The following OS9 variants were observed in gnomAD, a reference collection of about 807,000 sequenced individuals.
OS9 encodes the protein protein OS-9.
A neutral mutation model predicts 84.7 loss-of-function variants in OS9; 58 were observed. That is an observed-to-expected ratio of 0.68 (90% CI 0.55 to 0.85). OS9 has a LOEUF of 0.85. Ranked by LOEUF, OS9 falls within the 40% of genes least tolerant of loss-of-function variation. The pLI, the probability that OS9 is intolerant of heterozygous loss-of-function variation, is 0.00. For missense variants in OS9, 760 were observed against 850.9 expected, an observed-to-expected ratio of 0.89 and a Z score of 1.33; for synonymous variants, 278 against 320.8, an observed-to-expected ratio of 0.87 and a Z score of 1.43.
chr12:57,709,122 G>C (rs1445458573), intron 5 of OS9, among the ~76,000 whole-genome samples: 1 of 152,116 alleles, frequency 6.6e-6, no homozygotes, highest in Non-Finnish European at 1.5e-5. Flanking sequence ...TCTTTCAGCT[G>C]TCCAAATTCT....
At position 57,695,853 on chromosome 12, in the gene OS9, T is replaced by G; in HGVS notation, c.403+10T>G. On this transcript the variant is annotated intron_variant, in intron 3 of 14. Transcript: ENST00000315970. ...CAATACCACATGGAAGGTAACTCAC[T>G]CCTATATTTTCCTTAAGCCCTTAGT... 1 of 1,602,912 alleles carries G rather than the reference T, an allele frequency of 6.2e-7. No individual in the cohort carries two copies. The highest frequency in any genetic ancestry group is 8.5e-7 in the Non-Finnish European group (1 of 1,169,780).
rs1474514505 is a variant in OS9, at chr12:57,716,708, C to G, written c.1009C>G (p.Pro337Ala). The change falls in exon 9 of 15, where the codon CCT becomes GCT. Residue 337 changes from proline to alanine, a missense_variant. Physicochemically the swap from Pro to Ala is conservative, Grantham distance 27. Coordinates refer to ENST00000315970, the MANE Select transcript of OS9 (RefSeq NM_006812.4). ...TCCTCGTCAGGAGCAGGACCCAAGCCCTGAGGCAGCAGATTCAGCTTCTGG... is the reference window on the plus strand; with the variant it reads ...TCCTCGTCAGGAGCAGGACCCAAGCGCTGAGGCAGCAGATTCAGCTTCTGG... The part of the protein sequence containing the change: ...EVPAEEQDPS[P>A]EAADSASGAP... 6.2e-7 allele frequency: 1 copy of G among 1,614,096 alleles called. No individual in the cohort carries two copies. The highest frequency in any genetic ancestry group is 1.1e-5 in the South Asian group (1 of 91,076).
At chr12:57,711,645 C>G (rs1954338422) in intron 5 of OS9, among the ~76,000 whole-genome samples, 1 of 152,166 alleles carries the variant, frequency 6.6e-6, no homozygotes, top group African/African-American at 2.4e-5. Context: ...ATGCCTGGCC[C>G]TTTTTTGTTT....
Position 57,715,894 on chromosome 12 carries a change from T to C in OS9, c.714T>C (p.Ser238=). 6.2e-7 allele frequency: 1 copy of C among 1,613,454 alleles called. No individual in the cohort carries two copies. Among genetic ancestry groups the C allele is most frequent in the Admixed American group, 1.7e-5 (1 of 59,924 alleles). ...ACCCTCTCCTCCGGCCCCCACCCAG[T>C]GCTGCACCGCAGGCCATCCTCTGTC... ...CPHPLLRPPP[S]AAPQAILCHP... The change falls in exon 6 of 15, where the codon AGT becomes AGC. Residue 238 remains serine, a synonymous_variant. Coordinates refer to ENST00000315970, the MANE Select transcript of OS9 (RefSeq NM_006812.4).
intron 14 of OS9, 75 bp downstream of exon 14, chr12:57,720,593 C>A (rs1954651733): frequency 7.7e-7 from 1 of 1,304,252 alleles, no homozygotes; most frequent in East Asian, 2.3e-5. Context: ...CCAGCCACGC[C>A]ATTGCTGAGC....
chr12:57,698,106 C>A (rs1014097648), intron 5 of OS9, among the ~76,000 whole-genome samples: 1 of 152,130 alleles, frequency 6.6e-6, no homozygotes, highest in African/African-American at 2.4e-5. Context: ...TGATGTCTAT[C>A]TTGTTTTCTT....
chr12:57,713,589 T>C (rs1954393524), intron 5 of OS9, among the ~76,000 whole-genome samples: 1 of 152,088 alleles, frequency 6.6e-6, no homozygotes, highest in Non-Finnish European at 1.5e-5. Context: ...AGGAATTTAG[T>C]TGCTGTATCT....
At chr12:57,719,520 T>C in intron 12 of OS9, 1 of 263,766 alleles carries the variant, frequency 3.8e-6, no homozygotes, top group Non-Finnish European at 7.2e-6. Flanking sequence ...AAAACCACTT[T>C]AGGACTTTGC....
chr12:57,705,379 T>A (rs1190848266), intron 5 of OS9, among the ~76,000 whole-genome samples: 1 of 152,204 alleles, frequency 6.6e-6, no homozygotes, highest in Non-Finnish European at 1.5e-5. Context: ...AGCTTTAATT[T>A]TCTCTAAAAG....
Position 57,721,157 on chromosome 12 carries a change from T to G in OS9, c.*248T>G. 1 of 451,576 alleles carries G rather than the reference T, an allele frequency of 2.2e-6. No homozygotes were observed. The highest frequency in any genetic ancestry group is 2.2e-5 in the South Asian group (1 of 44,954). 28.0% of individuals were successfully genotyped at this position (451,576 alleles called of 1,614,324 possible). A position where few individuals can be genotyped will look rare whatever the true frequency, so the allele number is the denominator to read the frequency against. On this transcript the variant is annotated 3_prime_UTR_variant, in exon 15 of 15. Transcript: ENST00000315970. ...CTGAACTCTCACTCAATCCTCTTCC[T>G]CTCCTCTGTGGCTTTTCCTGTTATT...
At chr12:57,710,138 C>G (rs1954285822) in intron 5 of OS9, among the ~76,000 whole-genome samples, 1 of 152,172 alleles carries the variant, frequency 6.6e-6, no homozygotes, top group African/African-American at 2.4e-5. Flanking sequence ...CAGGCGTGAG[C>G]CACCCGCACC....
At chr12:57,706,304 G>GT (rs922613563) in intron 5 of OS9, among the ~76,000 whole-genome samples, 90 of 150,506 alleles carry the variant, frequency 6.0e-4, no homozygotes, top group African/African-American at 1.8e-3. Flanking sequence ...TTATTTTCTA[G>GT]TTTTTTTTTA....
Position 57,694,145 on chromosome 12 carries a change from A to T in OS9, c.-17A>T. On this transcript the variant is annotated 5_prime_UTR_variant, in exon 1 of 15. Transcript: ENST00000315970. The stretch of plus-strand genomic sequence containing the variant: ...TAGGGCGGAAACAGATTCTCTGCAT[A>T]AGAAGGGGAACGAAAGATGGCGGCG... 6.2e-7 allele frequency: 1 copy of T among 1,614,032 alleles called. No homozygotes were observed. The highest frequency in any genetic ancestry group is 8.5e-7 in the Non-Finnish European group (1 of 1,179,904).
intron 5 of OS9, among the ~76,000 whole-genome samples, chr12:57,703,513 T>C (rs1332933646): frequency 1.3e-5 from 2 of 152,262 alleles, no homozygotes; most frequent in African/African-American, 4.8e-5. Context: ...AAGACTGTCC[T>C]TTCCCCATGG....
At chr12:57,715,269 C>T (rs56318011) in intron 5 of OS9, among the ~76,000 whole-genome samples, 1,737 of 151,856 alleles carry the variant, frequency 0.011, 28 homozygotes, top group African/African-American at 0.04. Flanking sequence ...AGGCTGAGGC[C>T]GGAGAATCGC....
At chr12:57,704,071 G>A (rs1247648376) in intron 5 of OS9, among the ~76,000 whole-genome samples, 2 of 152,044 alleles carry the variant, frequency 1.3e-5, no homozygotes, top group Non-Finnish European at 2.9e-5. Flanking sequence ...ATGATCATTT[G>A]GGTTTTTTCC....
intron 5 of OS9, among the ~76,000 whole-genome samples, chr12:57,700,948 C>G: frequency 6.6e-6 from 1 of 151,872 alleles, no homozygotes; most frequent in East Asian, 1.9e-4. Context: ...TCATAGAGAC[C>G]CATAAATTCA....
intron 5 of OS9, among the ~76,000 whole-genome samples, chr12:57,699,435 A>G (rs1298428621): frequency 6.6e-6 from 1 of 152,168 alleles, no homozygotes; most frequent in African/African-American, 2.4e-5. Context: ...GAGCATGGGA[A>G]GAAGAGGGTT....
chr12:57,717,109 G>C (rs1394489115), intron 9 of OS9, among the ~76,000 whole-genome samples: 1 of 152,184 alleles, frequency 6.6e-6, no homozygotes, highest in African/African-American at 2.4e-5. Context: ...AGAGGAGAAG[G>C]GTTCCAGGGA....
Sources: gnomAD v4.1 joint callset for allele counts (sites outside exome capture counted in the v4.1 genomes callset) on GRCh38, gnomAD v4.1.1 for gene constraint, MANE v1.5 for transcripts, NCBI Gene and HGNC (gene_info 2026-07-23, HGNC 2026-07-21) for gene names.